Variants in PCNT observed in about 807,000 individuals in gnomAD.
PCNT encodes pericentrin.
PCNT carries 319 observed loss-of-function variants against 380.4 expected under a neutral mutation model. The observed-to-expected ratio is 0.84, with a 90% CI of 0.77 to 0.92. The LOEUF (loss-of-function observed/expected upper bound fraction) is 0.92. Ranked by LOEUF, PCNT falls within the 40% of genes least tolerant of loss-of-function variation. The pLI is 0.00. For missense variants in PCNT, 4,400 were observed against 4,255.3 expected (o/e 1.03, Z -0.95); for synonymous variants, 1,845 against 1,735.2 (o/e 1.06, Z -1.57).
chr21:46,390,567 A>ACGG (rs201577101), intron 19 of PCNT, 103 bp from the exon 20 acceptor site: 1 of 1,289,634 alleles, frequency 7.8e-7, no homozygotes, highest in Non-Finnish European at 1.1e-6. Context: ...CTGGGTGGTG[A>ACGG]CGGCCTGAAG....
At position 46,349,763 on chromosome 21, in the gene PCNT, G is replaced by T. The variant is rs2084200754; in HGVS notation, c.1287G>T (p.Arg429=). The T allele has an allele frequency of 1.9e-6, 3 of 1,614,166 alleles. No homozygotes were observed. The highest frequency in any genetic ancestry group is 2.5e-6 in the Non-Finnish European group (3 of 1,179,982). Residue 429 remains arginine (R), a synonymous_variant, in exon 8 of 47, where the codon CGG becomes CGT. Transcript: ENST00000359568. ...LREDLQSEHG[R]CLEDLEFKFK... is the part of the protein sequence containing the mutation. Reference sequence around the variant, plus strand: ...AAGACCTGCAGTCCGAGCACGGCCGGTGTTTAGAAGACTTGGAGTTCAAGT... The same window carrying T: ...AAGACCTGCAGTCCGAGCACGGCCGTTGTTTAGAAGACTTGGAGTTCAAGT...
At chr21:46,371,978 A>G (rs932656376) in intron 15 of PCNT, among the ~76,000 whole-genome samples, 2 of 150,094 alleles carry the variant, frequency 1.3e-5, no homozygotes, top group Admixed American at 1.3e-4. Context: ...TAGCACATAC[A>G]CACATGCAGC....
Position 46,391,253 on chromosome 21 carries a change from C to G in PCNT, c.4093C>G (p.Leu1365Val). The change falls in exon 21 of 47, where the codon CTG becomes GTG. Residue 1365 changes from leucine to valine, a missense_variant. Leu to Val is a conservative substitution (Grantham distance 32). Coordinates refer to ENST00000359568, the MANE Select transcript of PCNT (RefSeq NM_006031.6). ...EDSEHRLVLE[L>V]ESLRRQLQQA... ...TTCCGAGCACCGTCTGGTGCTGGAGCTGGAGAGCCTGAGACGGCAGCTGCA... is the reference window on the plus strand; with the variant it reads ...TTCCGAGCACCGTCTGGTGCTGGAGGTGGAGAGCCTGAGACGGCAGCTGCA... 2.5e-6 allele frequency: 4 copies of G among 1,602,866 alleles called. No individual in the cohort carries two copies. Among genetic ancestry groups the G allele is most frequent in the Non-Finnish European group, 3.4e-6 (4 of 1,175,124 alleles).
At chr21:46,368,336 T>C (rs955818292) in intron 15 of PCNT, among the ~76,000 whole-genome samples, 1 of 151,722 alleles carries the variant, frequency 6.6e-6, no homozygotes, top group Non-Finnish European at 1.5e-5. Flanking sequence ...TAGTCCCAGC[T>C]ACTTGGGAGG....
chr21:46,351,396 T>G, intron 8 of PCNT, 33 bp from the exon 9 acceptor site: 1 of 1,200,880 alleles, frequency 8.3e-7, no homozygotes. Context: ...TTGAGCTCAT[T>G]AGGGTTTCAC....
intron 33 of PCNT, among the ~76,000 whole-genome samples, chr21:46,427,018 G>A (rs1332195874): frequency 6.6e-6 from 1 of 152,174 alleles, no homozygotes; most frequent in Admixed American, 6.5e-5. Context: ...CAGCCTGGCT[G>A]GCATTCAGGA....
At chr21:46,358,617 TTTG>T (rs2096770918) in intron 13 of PCNT, among the ~76,000 whole-genome samples, 1 of 143,850 alleles carries the variant, frequency 7.0e-6, no homozygotes, top group Non-Finnish European at 1.5e-5. Context: ...TTGTTGTTGT[TTTG>T]TTGTTTTGTT....
chr21:46,331,120 A>G (rs1423151640), intron 2 of PCNT, among the ~76,000 whole-genome samples: 1 of 152,122 alleles, frequency 6.6e-6, no homozygotes, highest in Non-Finnish European at 1.5e-5. Flanking sequence ...TACTTTGATC[A>G]CTAACTGTTA....
intron 3 of PCNT, 81 bp from the exon 4 acceptor site, chr21:46,346,047 C>T (rs2084054828): frequency 3.8e-6 from 5 of 1,329,994 alleles, no homozygotes; most frequent in Admixed American, 3.4e-5. Flanking sequence ...TTTGTGAGGA[C>T]GTGCGTCGTC....
chr21:46,329,067 C>T (rs1479429100), intron 2 of PCNT, among the ~76,000 whole-genome samples: 2 of 152,232 alleles, frequency 1.3e-5, no homozygotes, highest in African/African-American at 2.4e-5. Flanking sequence ...AGCCACTGTG[C>T]CTGGCCTGCA....
At chr21:46,347,030 TG>T (rs1186839260) in intron 5 of PCNT, 32 bp downstream of exon 5, 1 of 1,580,940 alleles carries the variant, frequency 6.3e-7, no homozygotes, top group South Asian at 1.2e-5. Context: ...ACGGGCAGCG[TG>T]TGGGCTCGGT....
chr21:46,416,440 G>C lies in PCNT; in HGVS notation c.6522G>C (p.Met2174Ile). The C allele has an allele frequency of 1.9e-6, 3 of 1,614,196 alleles. No homozygotes were observed. Among genetic ancestry groups the C allele is most frequent in the Non-Finnish European group, 2.5e-6 (3 of 1,180,038 alleles). ...GGGATTCCTTGATACCAGATGAAAT[G>C]CCAGATTCTCCCATTCAAGAAAAAT... ...KNWDSLIPDE[M>I]PDSPIQEKSE... Residue 2174 changes from methionine (M) to isoleucine (I), a missense_variant, in exon 30 of 47, where the codon ATG becomes ATC. Transcript: ENST00000359568.
chr21:46,429,970 A>T, intron 35 of PCNT, 40 bp from the exon 36 acceptor site: 1 of 1,531,292 alleles, frequency 6.5e-7, no homozygotes. Flanking sequence ...CAGCACGAGG[A>T]GCTCATGGGG....
rs191405385 is a variant in PCNT at position 46,375,061 on chromosome 21, C to T, written c.3166-6633C>T. Among the ~76,000 whole-genome samples, 83 of 152,240 alleles carry T rather than the reference C, an allele frequency of 5.5e-4. 1 individual carries two copies. Among genetic ancestry groups the T allele is most frequent in the Admixed American group, 1.2e-3 (18 of 15,302 alleles). On this transcript the variant is annotated intron_variant, in intron 15 of 46. Coordinates refer to ENST00000359568, the MANE Select transcript of PCNT (RefSeq NM_006031.6). Reference sequence around the variant, plus strand: ...CTTGTGGGGTGATTGGATTACTTTCCGGGATACCGCCCTTGAGAGTTTGGT... The same window carrying T: ...CTTGTGGGGTGATTGGATTACTTTCTGGGATACCGCCCTTGAGAGTTTGGT...
Position 46,386,000 on chromosome 21 carries a change from C to T in PCNT, c.3464+17C>T. The T allele has an allele frequency of 6.2e-7, 1 of 1,613,552 alleles. No individual in the cohort carries two copies. The highest frequency in any genetic ancestry group is 8.5e-7 in the Non-Finnish European group (1 of 1,179,934). On this transcript the variant is annotated intron_variant, in intron 17 of 46. Coordinates refer to ENST00000359568, the MANE Select transcript of PCNT (RefSeq NM_006031.6). ...CAGCGAAAGGTCAGTGTGTCCTCGG[C>T]ACCGAGGCTGCCTTGTGGCCGCCAG...
At chr21:46,373,829 A>G (rs1400880268) in intron 15 of PCNT, among the ~76,000 whole-genome samples, 5 of 145,842 alleles carry the variant, frequency 3.4e-5, no homozygotes, top group African/African-American at 1.3e-4. Flanking sequence ...CCCCGGGTTC[A>G]AGCGATTTTC....
intron 37 of PCNT, 92 bp from the exon 38 acceptor site, chr21:46,431,437 G>C (rs2087757744): frequency 6.2e-7 from 1 of 1,605,258 alleles, no homozygotes; most frequent in East Asian, 2.2e-5. Flanking sequence ...GAATTGCTGG[G>C]CTAAAGTATA....
At chr21:46,402,046 G>T (rs1007531847) in intron 26 of PCNT, among the ~76,000 whole-genome samples, 23 of 152,072 alleles carry the variant, frequency 1.5e-4, no homozygotes, top group Admixed American at 1.2e-3. Context: ...TAGAGACAGG[G>T]TTTCACCATG....
chr21:46,395,978 A>G (rs940679251), intron 21 of PCNT, among the ~76,000 whole-genome samples: 4 of 150,934 alleles, frequency 2.7e-5, no homozygotes, highest in Admixed American at 6.6e-5. Context: ...ACTCCATCTC[A>G]GAAATAATAG....
Sources: allele counts gnomAD v4.1 joint callset (sites outside exome capture counted in the v4.1 genomes callset), GRCh38; gene constraint gnomAD v4.1.1; transcripts MANE v1.5; gene names NCBI Gene and HGNC (gene_info 2026-07-23, HGNC 2026-07-21).